Variants in FOXO1 observed in about 807,000 individuals in gnomAD.
FOXO1 encodes forkhead box protein O1.
A neutral mutation model predicts 44.1 loss-of-function variants in FOXO1; 6 were observed. That is an observed-to-expected ratio of 0.14 (90% CI 0.07 to 0.27). FOXO1 has a LOEUF of 0.27. Ranked by LOEUF, FOXO1 falls within the 10% of genes least tolerant of loss-of-function variation. The pLI, the probability that FOXO1 is intolerant of heterozygous loss-of-function variation, is 1.00. For synonymous variants in FOXO1, 380 were observed against 362.7 expected, an observed-to-expected ratio of 1.05 and a Z score of -0.54; for missense variants, 737 against 888.8, an observed-to-expected ratio of 0.83 and a Z score of 2.17.
intron 1 of FOXO1, among the ~76,000 whole-genome samples, chr13:40,655,185 A>C (rs900890348): frequency 6.6e-6 from 1 of 151,768 alleles, no homozygotes; most frequent in Non-Finnish European, 1.5e-5. Context: ...AAAATACAAA[A>C]ATTAGCTAGG....
chr13:40,568,110 G>A (rs1035535786), intron 1 of FOXO1, among the ~76,000 whole-genome samples: 39 of 152,132 alleles, frequency 2.6e-4, no homozygotes, highest in African/African-American at 8.5e-4. Context: ...AGGGAAAGCG[G>A]AAAGGTCCCC....
intron 1 of FOXO1, among the ~76,000 whole-genome samples, chr13:40,575,800 A>C (rs1336995612): frequency 6.6e-6 from 1 of 152,186 alleles, no homozygotes; most frequent in Non-Finnish European, 1.5e-5. Context: ...ACAACACAGA[A>C]ACGTTAAGGT....
At chr13:40,568,415 C>T (rs1366265060) in intron 1 of FOXO1, among the ~76,000 whole-genome samples, 2 of 152,214 alleles carry the variant, frequency 1.3e-5, no homozygotes, top group Non-Finnish European at 2.9e-5. Flanking sequence ...TCTTCCTGCA[C>T]TTCCACAAGT....
chr13:40,582,964 A>G (rs985834168), intron 1 of FOXO1, among the ~76,000 whole-genome samples: 3 of 152,204 alleles, frequency 2.0e-5, no homozygotes, highest in Non-Finnish European at 4.4e-5. Context: ...AGGAATCACT[A>G]TGGCAACTTG....
intron 1 of FOXO1, among the ~76,000 whole-genome samples, chr13:40,643,347 G>GAAAAAAAA (rs71727126): frequency 5.5e-5 from 5 of 91,294 alleles, no homozygotes; most frequent in Admixed American, 1.2e-4. Context: ...GTCTCAAAAA[G>GAAAAAAAA]AAAAAAAAAA....
chr13:40,615,831 C>T (rs73467007), intron 1 of FOXO1, among the ~76,000 whole-genome samples: 121 of 152,282 alleles, frequency 7.9e-4, no homozygotes, highest in African/African-American at 2.7e-3. Context: ...AGGAAAATGA[C>T]GTCAGGAGGG....
At chr13:40,636,341 T>G (rs769995642) in intron 1 of FOXO1, among the ~76,000 whole-genome samples, 6 of 152,082 alleles carry the variant, frequency 3.9e-5, no homozygotes, top group Non-Finnish European at 7.4e-5. Flanking sequence ...CTGTAAAATG[T>G]TGATGATACT....
chr13:40,585,920 AG>A (rs1420220050), intron 1 of FOXO1, among the ~76,000 whole-genome samples: 1 of 152,218 alleles, frequency 6.6e-6, no homozygotes, highest in Non-Finnish European at 1.5e-5. Flanking sequence ...CAATCCAGAG[AG>A]GGGCTACTTA....
Position 40,666,177 on chromosome 13 carries a change from CG to C in FOXO1, c.35del (p.Pro12ArgfsTer60). 1 of 1,457,804 alleles carries C rather than the reference CG, an allele frequency of 6.9e-7. No homozygotes were observed. Among genetic ancestry groups the C allele is most frequent in the Non-Finnish European group, 9.0e-7 (1 of 1,107,762 alleles). The allele number at this position is 1,457,804 out of a possible 1,614,324, so 90.3% of individuals were successfully genotyped here. ...GCGGCCGGGGCAGCGGCTCGAAGTC[CG>C]GGTCGATCTCCACCACCTGAGGCGC... Reference protein sequence around the residue: ...AEAPQVVEIDPDFEPLPRPRS... With the variant: ...AEAPQVVEIDXDFEPLPRPRS... On this transcript the variant is annotated frameshift_variant, in exon 1 of 3. Coordinates refer to ENST00000379561, the MANE Select transcript of FOXO1 (RefSeq NM_002015.4). LOFTEE classifies it high-confidence loss of function.
intron 1 of FOXO1, among the ~76,000 whole-genome samples, chr13:40,596,289 T>G (rs1010908737): frequency 6.6e-6 from 1 of 152,194 alleles, no homozygotes; most frequent in Admixed American, 6.5e-5. Flanking sequence ...TCTGTGACCA[T>G]AAAGCAGGAC....
chr13:40,610,060 A>G (rs1354142049), intron 1 of FOXO1, among the ~76,000 whole-genome samples: 1 of 152,126 alleles, frequency 6.6e-6, no homozygotes, highest in Non-Finnish European at 1.5e-5. Context: ...ACTGTATTCG[A>G]CGTAACTGCT....
intron 1 of FOXO1, among the ~76,000 whole-genome samples, chr13:40,610,273 G>T (rs931352053): frequency 6.6e-6 from 1 of 152,066 alleles, no homozygotes; most frequent in Non-Finnish European, 1.5e-5. Context: ...CTATAACAGT[G>T]AAATTTTAAA....
intron 1 of FOXO1, among the ~76,000 whole-genome samples, chr13:40,591,127 C>T (rs990001878): frequency 6.6e-6 from 1 of 151,990 alleles, no homozygotes; most frequent in Non-Finnish European, 1.5e-5. Flanking sequence ...AGAGGTCCAT[C>T]GTTTCTGATC....
intron 1 of FOXO1, among the ~76,000 whole-genome samples, chr13:40,613,470 A>G (rs1876307899): frequency 6.6e-6 from 1 of 152,158 alleles, no homozygotes; most frequent in Non-Finnish European, 1.5e-5. Context: ...TGAAATGTTA[A>G]TCACATCAAA....
chr13:40,572,285 T>C (rs1024585646), intron 1 of FOXO1, among the ~76,000 whole-genome samples: 4 of 152,202 alleles, frequency 2.6e-5, no homozygotes, highest in Non-Finnish European at 4.4e-5. Flanking sequence ...ATTGGATACA[T>C]AGTCTGTTTA....
At position 40,584,469 on chromosome 13, in the gene FOXO1, CAAAAAAAAAAAAAAA is replaced by C. The variant is rs55733141; in HGVS notation, c.631-23624_631-23610del. Reference sequence around the variant, plus strand: ...AGAAATTCTATCTCCACAAAAAATGCAAAAAAAAAAAAAAAAAAAAAAAAAAAAAAAAGCCAGATG... The same window carrying C: ...AGAAATTCTATCTCCACAAAAAATGCAAAAAAAAAAAAAAAAAGCCAGATG... On this transcript the variant is annotated intron_variant, in intron 1 of 2. Transcript: ENST00000379561. 3.2e-3 allele frequency among the ~76,000 whole-genome samples: 199 copies of C among 63,112 alleles called. 2 individuals carry two copies. Among genetic ancestry groups the C allele is most frequent in the African/African-American group, 0.014 (178 of 13,174 alleles). 41.4% of individuals were successfully genotyped at this position (63,112 alleles called of 152,430 possible).
chr13:40,602,902 C>G (rs534054170), intron 1 of FOXO1, among the ~76,000 whole-genome samples: 17 of 152,298 alleles, frequency 1.1e-4, no homozygotes, highest in African/African-American at 4.1e-4. Flanking sequence ...CTGCAAGTTA[C>G]ACTACCATAA....
chr13:40,591,890 A>G (rs970812442), intron 1 of FOXO1, among the ~76,000 whole-genome samples: 3 of 152,200 alleles, frequency 2.0e-5, no homozygotes, highest in South Asian at 4.2e-4. Context: ...CATTCTTAGT[A>G]GAGACAGGGT....
chr13:40,556,858 G>A lies in FOXO1; in HGVS notation c.*2191C>T, dbSNP rs1333213757. On this transcript the variant is annotated 3_prime_UTR_variant, in exon 3 of 3. Transcript: ENST00000379561. Reference sequence around the variant, plus strand: ...GTATTATGATGCAGTAATGGCACGGGAGGAAAGTGACAGTACGTAGTAATA... The same window carrying A: ...GTATTATGATGCAGTAATGGCACGGAAGGAAAGTGACAGTACGTAGTAATA... 3 of 152,200 alleles carry A rather than the reference G, an allele frequency of 2.0e-5. No individual in the cohort carries two copies. Among genetic ancestry groups the A allele is most frequent in the African/African-American group, 7.2e-5 (3 of 41,448 alleles). The allele number at this position is 152,200 out of a possible 1,614,324, so 9.4% of individuals were successfully genotyped here.
Sources: allele counts gnomAD v4.1 joint callset (sites outside exome capture counted in the v4.1 genomes callset), GRCh38; gene constraint gnomAD v4.1.1; transcripts MANE v1.5; gene names NCBI Gene and HGNC (gene_info 2026-07-23, HGNC 2026-07-21).